The following RARB variants were observed in gnomAD, a reference collection of about 807,000 sequenced individuals.
RARB encodes the protein HBV-activated protein.
A neutral mutation model predicts 51.9 loss-of-function variants in RARB; 17 were observed. The ratio of observed to expected loss-of-function variants is 0.33; its 90% CI spans 0.22 to 0.49. RARB has a LOEUF of 0.49. RARB is among the 20% of genes least tolerant of loss of function. RARB has a pLI of 0.99. For synonymous variants in RARB, 215 were observed against 195.4 expected (o/e 1.10, Z -0.84); for missense variants, 369 against 550.8 (o/e 0.67, Z 3.30).
At chr3:25,292,552 C>T (rs1221528101) in intron 5 of RARB, among the ~76,000 whole-genome samples, 1 of 152,148 alleles carries the variant, frequency 6.6e-6, no homozygotes, top group African/African-American at 2.4e-5. Flanking sequence ...TGAAAAAGTT[C>T]TTCTAAAACA....
At chr3:25,233,559 C>T (rs1026719020) in intron 5 of RARB, among the ~76,000 whole-genome samples, 5 of 151,958 alleles carry the variant, frequency 3.3e-5, no homozygotes, top group African/African-American at 1.2e-4. Context: ...TATTGCATGG[C>T]TAAAAATTTT....
At chr3:25,337,217 C>T (rs1337374073) in intron 5 of RARB, among the ~76,000 whole-genome samples, 1 of 152,048 alleles carries the variant, frequency 6.6e-6, no homozygotes, top group Non-Finnish European at 1.5e-5. Flanking sequence ...CCAACCCCCA[C>T]CCCCACAAAA....
intron 3 of RARB, among the ~76,000 whole-genome samples, chr3:25,553,544 C>T (rs1699929760): frequency 6.6e-6 from 1 of 152,070 alleles, no homozygotes; most frequent in Non-Finnish European, 1.5e-5. Context: ...TTCACATCAC[C>T]AAAAAAACCA....
At chr3:24,992,167 A>G (rs918912463) in intron 2 of RARB, among the ~76,000 whole-genome samples, 6 of 152,144 alleles carry the variant, frequency 3.9e-5, no homozygotes, top group Admixed American at 1.3e-4. Flanking sequence ...ATATATTTAT[A>G]TTGTTTGGAA....
At chr3:25,114,220 A>G (rs1269387981) in intron 3 of RARB, among the ~76,000 whole-genome samples, 2 of 152,144 alleles carry the variant, frequency 1.3e-5, no homozygotes, top group Non-Finnish European at 2.9e-5. Flanking sequence ...GGAGCAATGG[A>G]AAGTATTACC....
At chr3:25,273,367 A>C (rs1247951052) in intron 5 of RARB, among the ~76,000 whole-genome samples, 1 of 152,336 alleles carries the variant, frequency 6.6e-6, no homozygotes, top group East Asian at 1.9e-4. Context: ...AGTAACCTTT[A>C]AAATCATCAC....
chr3:25,518,957 A>T (rs950225814), intron 3 of RARB, among the ~76,000 whole-genome samples: 2 of 152,126 alleles, frequency 1.3e-5, no homozygotes. Flanking sequence ...GGTGGTGGTT[A>T]TAATTAAGGT....
At chr3:24,943,940 G>A (rs1695721834) in intron 2 of RARB, among the ~76,000 whole-genome samples, 1 of 151,584 alleles carries the variant, frequency 6.6e-6, no homozygotes, top group Non-Finnish European at 1.5e-5. Flanking sequence ...AAAGTGAGGA[G>A]GGGAAAAAGA....
chr3:24,914,381 G>A lies in RARB; in HGVS notation c.-380+55629G>A, dbSNP rs571577687. Among the ~76,000 whole-genome samples, 5 of 152,290 alleles carry A rather than the reference G, an allele frequency of 3.3e-5. No homozygotes were observed. In the South Asian group the frequency reaches 1.0e-3, roughly 32 times the overall value. On this transcript the variant is annotated intron_variant, in intron 2 of 11. Transcript: ENST00000383772. Reference sequence around the variant, plus strand: ...GATTGCTGCAGGAATATTGGGGGCAGGGTAAGACAGGTATGCCCTCTCAGA... The same window carrying A: ...GATTGCTGCAGGAATATTGGGGGCAAGGTAAGACAGGTATGCCCTCTCAGA...
intron 1 of RARB, among the ~76,000 whole-genome samples, chr3:24,846,550 C>G (rs906462791): frequency 2.0e-5 from 3 of 152,148 alleles, no homozygotes; most frequent in Non-Finnish European, 4.4e-5. Flanking sequence ...TGGCAGGAAT[C>G]AAACTTTCCT....
rs10713675 is a variant in RARB at position 25,293,597 on chromosome 3, T to TAAAAAAAA, written c.178+119036_178+119043dup. ...TTCCCGAGGCTAGAGTTACTCCATTTAAAAAAAAAAAAAAAAAAAAAGTTC... is the reference window on the plus strand; with the variant it reads ...TTCCCGAGGCTAGAGTTACTCCATTTAAAAAAAAAAAAAAAAAAAAAAAAAAAAAGTTC... On this transcript the variant is annotated intron_variant, in intron 5 of 11. Coordinates refer to the RARB transcript ENST00000383772. Among the ~76,000 whole-genome samples, 29 of 68,636 alleles carry TAAAAAAAA rather than the reference T, an allele frequency of 4.2e-4. 3 individuals are homozygous for TAAAAAAAA. Among genetic ancestry groups the TAAAAAAAA allele is most frequent in the East Asian group, 1.7e-3 (2 of 1,206 alleles). The allele number at this position is 68,636 out of a possible 152,430, so 45.0% of individuals were successfully genotyped here.
At chr3:25,089,273 A>G (rs1295405656) in intron 3 of RARB, among the ~76,000 whole-genome samples, 1 of 152,134 alleles carries the variant, frequency 6.6e-6, no homozygotes, top group Non-Finnish European at 1.5e-5. Flanking sequence ...TGCACAGAAA[A>G]AAAAAGTATG....
At chr3:24,875,244 G>A (rs1034447957) in intron 2 of RARB, among the ~76,000 whole-genome samples, 2 of 152,048 alleles carry the variant, frequency 1.3e-5, no homozygotes, top group East Asian at 3.8e-4. Context: ...ATTGGTTGCC[G>A]AAGTTGATAC....
intron 2 of RARB, among the ~76,000 whole-genome samples, chr3:25,465,511 G>A (rs1455958342): frequency 6.6e-6 from 1 of 152,190 alleles, no homozygotes; most frequent in African/African-American, 2.4e-5. Flanking sequence ...TGACCTAATT[G>A]ACTATTATTT....
At chr3:24,898,475 C>G (rs1260155347) in intron 2 of RARB, among the ~76,000 whole-genome samples, 2 of 151,538 alleles carry the variant, frequency 1.3e-5, no homozygotes, top group Non-Finnish European at 2.9e-5. Context: ...ATGATTATAT[C>G]AAGATAGAAA....
chr3:25,334,160 C>T (rs1490459682), intron 5 of RARB, among the ~76,000 whole-genome samples: 3 of 152,166 alleles, frequency 2.0e-5, no homozygotes, highest in African/African-American at 4.8e-5. Context: ...CCATTTGACC[C>T]AGTCATCCTA....
At chr3:24,844,872 G>A (rs1702467280) in intron 1 of RARB, among the ~76,000 whole-genome samples, 1 of 152,128 alleles carries the variant, frequency 6.6e-6, no homozygotes, top group Admixed American at 6.5e-5. Context: ...CAAGTCAGGT[G>A]ACTTACTTTT....
intron 5 of RARB, among the ~76,000 whole-genome samples, chr3:25,375,757 C>A (rs1482146274): frequency 6.6e-6 from 1 of 152,154 alleles, no homozygotes; most frequent in Non-Finnish European, 1.5e-5. Flanking sequence ...TAGATGTATG[C>A]TGGGATGCAT....
At chr3:24,901,477 G>T (rs1051290440) in intron 2 of RARB, among the ~76,000 whole-genome samples, 1 of 152,170 alleles carries the variant, frequency 6.6e-6, no homozygotes, top group Non-Finnish European at 1.5e-5. Flanking sequence ...CTAGCCTCAA[G>T]TGATCCTCCT....
Sources: gnomAD v4.1 joint callset for allele counts (sites outside exome capture counted in the v4.1 genomes callset) on GRCh38, gnomAD v4.1.1 for gene constraint, MANE v1.5 for transcripts, NCBI Gene and HGNC (gene_info 2026-07-23, HGNC 2026-07-21) for gene names.